CHRNB4: variants seen among roughly 807,000 people sequenced by gnomAD.
CHRNB4 encodes neuronal acetylcholine receptor subunit beta-4.
A neutral mutation model predicts 40.4 loss-of-function variants in CHRNB4; 23 were observed. The observed-to-expected ratio is 0.57, with a 90% confidence interval of 0.41 to 0.81. The LOEUF (loss-of-function observed/expected upper bound fraction) is 0.81, where lower values mean the gene tolerates loss of function less well. CHRNB4 is among the 30% of genes least tolerant of loss of function. CHRNB4 has a pLI of 0.00. For synonymous variants in CHRNB4, 285 were observed against 274.4 expected, an observed-to-expected ratio of 1.04 and a Z score of -0.38; for missense variants, 568 against 670.6, an observed-to-expected ratio of 0.85 and a Z score of 1.69.
chr15:78,643,279 T>C (rs1262351643), upstream of CHRNB4, among the ~76,000 whole-genome samples: 1 of 151,440 alleles, frequency 6.6e-6, no homozygotes, highest in Non-Finnish European at 1.5e-5. Flanking sequence ...TGAGACAGGG[T>C]TTCACTGTTG....
rs191220545 is a variant in CHRNB4, at chr15:78,630,383, C to T, written c.360-438G>A. 3.8e-4 allele frequency among the ~76,000 whole-genome samples: 58 copies of T among 152,256 alleles called. 1 individual carries two copies. In the Middle Eastern group the frequency reaches 0.027, roughly 71 times the overall value. On this transcript the variant is annotated intron_variant, in intron 4 of 5. Coordinates refer to ENST00000261751, the MANE Select transcript of CHRNB4 (RefSeq NM_000750.5). The stretch of plus-strand genomic sequence containing the variant: ...GAACTCCTGATCTCAGGTGATCCAC[C>T]CGCCTCGGCCTCCCAAAGTGCTGGG...
chr15:78,627,960 GC>G (rs1392285149), intron 5 of CHRNB4: 1 of 152,334 alleles, frequency 6.6e-6, no homozygotes, highest in Non-Finnish European at 1.5e-5. Flanking sequence ...GAAGTCAGGA[GC>G]TCAAGACCAG....
chr15:78,636,155 C>T (rs1178791580), intron 1 of CHRNB4, among the ~76,000 whole-genome samples: 1 of 152,202 alleles, frequency 6.6e-6, no homozygotes, highest in Non-Finnish European at 1.5e-5. Context: ...GATCCACCCA[C>T]ATTGGCCACT....
chr15:78,629,016 CCTT>C lies in CHRNB4; in HGVS notation c.1286_1288del (p.Glu429del). On this transcript the variant is annotated inframe_deletion, in exon 5 of 6. Coordinates refer to ENST00000261751, the MANE Select transcript of CHRNB4 (RefSeq NM_000750.5). The surrounding 1 kb of genome is among the most constrained non-coding windows in gnomAD (Gnocchi z 6.8). ...CATGTGCTGGGCGATGAAGCTGACA[CCTT>C]CTAATGCCTCCTGCACATCCTGTCG... 1 of 1,614,150 alleles carries C rather than the reference CCTT, an allele frequency of 6.2e-7. No individual in the cohort carries two copies. The highest frequency in any genetic ancestry group is 8.5e-7 in the Non-Finnish European group (1 of 1,180,034).
In CHRNB4 at chr15:78,629,522, G is replaced by T; in HGVS notation, c.783C>A (p.Gly261=). 1 of 1,614,170 alleles carries T rather than the reference G, an allele frequency of 6.2e-7. No homozygotes were observed. The highest frequency in any genetic ancestry group is 1.1e-5 in the South Asian group (1 of 91,080). ...ILVFYLPSDC[G]EKMTLCISVL... ...CTGAGATGCACAGTGTCATCTTCTC[G>T]CCGCAGTCGGATGGCAGGTAGAAGA... The change falls in exon 5 of 6, where the codon GGC becomes GGA. Residue 261 remains glycine (G), a synonymous_variant. Transcript: ENST00000261751. The surrounding 1 kb of genome is among the most constrained non-coding windows in gnomAD (Gnocchi z 6.8).
At chr15:78,627,103 T>G (rs1213216827) in intron 5 of CHRNB4, 1 of 152,214 alleles carries the variant, frequency 6.6e-6, no homozygotes, top group African/African-American at 2.4e-5. Context: ...CCCACGTGGT[T>G]CTCACTTAGC....
At chr15:78,646,279 T>C (rs936790690) in intron 7 of CHRNB4, among the ~76,000 whole-genome samples, 1 of 152,110 alleles carries the variant, frequency 6.6e-6, no homozygotes, top group Non-Finnish European at 1.5e-5. Flanking sequence ...AAAGGATGGA[T>C]ATTCTAAAAA....
chr15:78,648,107 G>A (rs1048346119), intron 7 of CHRNB4, among the ~76,000 whole-genome samples: 7 of 151,236 alleles, frequency 4.6e-5, no homozygotes, highest in Non-Finnish European at 8.8e-5. Context: ...GCGTGGGGGT[G>A]GTAGGGCCGG....
chr15:78,647,568 C>T (rs935927171), intron 7 of CHRNB4, among the ~76,000 whole-genome samples: 4 of 151,576 alleles, frequency 2.6e-5, no homozygotes, highest in South Asian at 2.1e-4. Context: ...GAGATTCAGC[C>T]GGGTGCAGTG....
At chr15:78,635,863 GTC>G (rs942520587) in intron 1 of CHRNB4, among the ~76,000 whole-genome samples, 1 of 152,140 alleles carries the variant, frequency 6.6e-6, no homozygotes, top group African/African-American at 2.4e-5. Context: ...AAAGCTGGGT[GTC>G]TCTTCTTGAC....
chr15:78,651,034 C>A (rs568210876), intron 6 of CHRNB4, among the ~76,000 whole-genome samples: 1 of 152,076 alleles, frequency 6.6e-6, no homozygotes, highest in African/African-American at 2.4e-5. Context: ...GACCTTTTCT[C>A]GGGCATTGGC....
At chr15:78,645,857 A>G (rs2054118738), upstream of CHRNB4, among the ~76,000 whole-genome samples, 1 of 152,106 alleles carries the variant, frequency 6.6e-6, no homozygotes, top group Non-Finnish European at 1.5e-5. Context: ...CAAGAGATTG[A>G]AACTATCCTG....
At chr15:78,634,799 C>A (rs1443746854) in intron 2 of CHRNB4, 3 of 455,888 alleles carry the variant, frequency 6.6e-6, no homozygotes, top group Non-Finnish European at 1.3e-5. Context: ...ACATCTCCAA[C>A]TCAGAGGCAG....
chr15:78,655,990 T>C (rs2054210501), intron 4 of CHRNB4, among the ~76,000 whole-genome samples: 1 of 152,194 alleles, frequency 6.6e-6, no homozygotes, highest in African/African-American at 2.4e-5. Flanking sequence ...CCACTCTAAA[T>C]GAGATTTTCA....
chr15:78,658,747 A>G (rs2054232469), intron 1 of CHRNB4, among the ~76,000 whole-genome samples: 1 of 152,212 alleles, frequency 6.6e-6, no homozygotes, highest in African/African-American at 2.4e-5. Context: ...AGGGGGAAAA[A>G]AAAGCCTTTC....
At chr15:78,657,701 T>TC (rs1166788583) in intron 2 of CHRNB4, among the ~76,000 whole-genome samples, 3 of 151,640 alleles carry the variant, frequency 2.0e-5, no homozygotes, top group African/African-American at 7.3e-5. Context: ...CTACAGGCAC[T>TC]CCCCACCACG....
chr15:78,648,753 C>CAAAAAA (rs35846146), intron 7 of CHRNB4, among the ~76,000 whole-genome samples: 1 of 79,994 alleles, frequency 1.3e-5, no homozygotes. Context: ...GACTCTGTCT[C>CAAAAAA]AAAAAAAAAA....
chr15:78,656,741 C>T (rs1261442092), intron 3 of CHRNB4: 3 of 152,132 alleles, frequency 2.0e-5, no homozygotes, highest in Admixed American at 1.3e-4. Flanking sequence ...GGCATAAAAA[C>T]CTCCCTTCTT....
upstream of CHRNB4, among the ~76,000 whole-genome samples, chr15:78,641,624 G>A (rs1431526261): frequency 1.3e-5 from 2 of 152,234 alleles, no homozygotes; most frequent in African/African-American, 4.8e-5. Context: ...AAAGGACACT[G>A]CTGGGTGAGC....
Sources: gnomAD v4.1 joint callset for allele counts (sites outside exome capture counted in the v4.1 genomes callset) on GRCh38, gnomAD v4.1.1 for gene constraint, Gnocchi (gnomAD v3.1) non-coding constraint, MANE v1.5 for transcripts, NCBI Gene and HGNC (gene_info 2026-07-23, HGNC 2026-07-21) for gene names.